Variants in SYNJ1 observed in about 807,000 individuals in gnomAD.
SYNJ1 encodes the protein polyphosphatidylinositol phosphatase SYNJ1.
In SYNJ1, 78 loss-of-function variants were observed where a neutral mutation model predicts 168.2. The ratio of observed to expected loss-of-function variants is 0.46; its 90% CI spans 0.39 to 0.56. SYNJ1 has a LOEUF of 0.56. SYNJ1 is among the 20% of genes least tolerant of loss of function. The pLI is 0.00. For missense variants in SYNJ1, 1,303 were observed against 1,597.6 expected, an observed-to-expected ratio of 0.82 and a Z score of 3.14; for synonymous variants, 539 against 548.6, an observed-to-expected ratio of 0.98 and a Z score of 0.24.
intron 20 of SYNJ1, 48 bp downstream of exon 20, chr21:32,656,955 T>A (rs1233439400): frequency 3.1e-6 from 5 of 1,610,984 alleles, no homozygotes; most frequent in Non-Finnish European, 3.4e-6. Context: ...AAAGGGTGTA[T>A]TTCAAACAAA....
intron 2 of SYNJ1, among the ~76,000 whole-genome samples, chr21:32,704,677 G>T (rs1055382757): frequency 6.6e-6 from 1 of 152,170 alleles, no homozygotes; most frequent in African/African-American, 2.4e-5. Context: ...GAAAGGCAGG[G>T]TTTTGAAGTG....
At position 32,688,450 on chromosome 21, in the gene SYNJ1, T is replaced by C. The variant is rs1251938863; in HGVS notation, c.790-83A>G. The C allele has an allele frequency of 3.5e-6, 4 of 1,149,702 alleles. No individual in the cohort carries two copies. In the African/African-American group the frequency reaches 4.7e-5, roughly 13 times the overall value. 71.2% of individuals were successfully genotyped at this position (1,149,702 alleles called of 1,614,324 possible). On this transcript the variant is annotated intron_variant, in intron 6 of 32. Transcript: ENST00000674351. ...TATCACTGCTTACAATATCTAACAA[T>C]TTCTTTGCTGAACACACAGTCGTTA...
intron 26 of SYNJ1, among the ~76,000 whole-genome samples, chr21:32,643,846 CGTAA>C (rs1006652825): frequency 6.6e-6 from 1 of 152,122 alleles, no homozygotes; most frequent in African/African-American, 2.4e-5. Context: ...TATGAGACTA[CGTAA>C]GTCTTTTGAA....
At chr21:32,715,599 T>C (rs2042997348) in intron 2 of SYNJ1, among the ~76,000 whole-genome samples, 1 of 152,236 alleles carries the variant, frequency 6.6e-6, no homozygotes, top group South Asian at 2.1e-4. Context: ...AGCAATCCTA[T>C]GGTCCACTAG....
intron 8 of SYNJ1, 74 bp downstream of exon 8, chr21:32,686,904 C>A (rs1290500735): frequency 8.9e-6 from 9 of 1,006,078 alleles, no homozygotes; most frequent in Non-Finnish European, 1.3e-5. Context: ...AATCTGATTA[C>A]TGTATTATTT....
chr21:32,687,118 C>T (rs752794800), intron 7 of SYNJ1, 44 bp from the exon 8 acceptor site: 9 of 1,048,566 alleles, frequency 8.6e-6, no homozygotes, highest in East Asian at 2.9e-5. Context: ...AAATAAGAAG[C>T]CCAATTTTTT....
Position 32,695,105 on chromosome 21 carries a change from C to T in SYNJ1, c.657G>A (p.Arg219=). Residue 219 remains arginine, a synonymous_variant, in exon 5 of 33, where the codon CGG becomes CGA. Transcript: ENST00000674351. ...CERAGTRFNV[R]GTNDDGHVAN... is the part of the protein sequence containing the mutation. ...CAACATGACCATCATCATTTGTTCC[C>T]CGGACATTAAACCTGGTCCCAGCTC... The T allele has an allele frequency of 1.2e-6, 2 of 1,614,070 alleles. No homozygotes were observed. The highest frequency in any genetic ancestry group is 1.7e-6 in the Non-Finnish European group (2 of 1,180,004).
chr21:32,721,363 A>G (rs1250766175), intron 2 of SYNJ1, among the ~76,000 whole-genome samples: 1 of 152,248 alleles, frequency 6.6e-6, no homozygotes, highest in Non-Finnish European at 1.5e-5. Context: ...AATAATAATG[A>G]AATTATTTTC....
chr21:32,673,708 T>G (rs1036829891), intron 13 of SYNJ1, among the ~76,000 whole-genome samples, 177 bp from the exon 14 acceptor site: 3 of 150,274 alleles, frequency 2.0e-5, no homozygotes, highest in African/African-American at 7.4e-5. Flanking sequence ...AAGCCTGGTA[T>G]GAGGCAATTA....
Position 32,700,113 on chromosome 21 carries a change from A to G in SYNJ1, c.212-8T>C. On this transcript the variant is annotated splice_polypyrimidine_tract_variant and splice_region_variant and intron_variant, in intron 3 of 32. Transcript: ENST00000674351. The stretch of plus-strand genomic sequence containing the variant: ...AATGTAACATAGTATCACCTGCAAA[A>G]CCCAAAGATTTTACTGGATGAAAAA... 1 of 1,583,100 alleles carries G rather than the reference A, an allele frequency of 6.3e-7. No individual in the cohort carries two copies. Among genetic ancestry groups the G allele is most frequent in the Non-Finnish European group, 8.6e-7 (1 of 1,163,576 alleles).
chr21:32,717,512 G>A (rs1490047413), intron 2 of SYNJ1, among the ~76,000 whole-genome samples: 1 of 152,148 alleles, frequency 6.6e-6, no homozygotes, highest in Non-Finnish European at 1.5e-5. Context: ...TTGCTTTTAA[G>A]CTTTGTTAGG....
intron 32 of SYNJ1, among the ~76,000 whole-genome samples, chr21:32,632,388 CT>C (rs535534076): frequency 1.6e-3 from 230 of 142,996 alleles, no homozygotes; most frequent in Non-Finnish European, 1.4e-3. Flanking sequence ...CCCACCCCCT[CT>C]TTTTTTTTTT....
In SYNJ1 at chr21:32,630,535, C is replaced by T. The variant is rs2039279562; in HGVS notation, c.*1270G>A. ...GTATGTATTATATATGTACACATAC[C>T]TATACTTTTTTCCTTTAAAGCAATG... On this transcript the variant is annotated 3_prime_UTR_variant, in exon 33 of 33. Coordinates refer to ENST00000674351, the MANE Select transcript of SYNJ1 (RefSeq NM_203446.3). 1 of 163,922 alleles carries T rather than the reference C, an allele frequency of 6.1e-6. No individual in the cohort carries two copies. The highest frequency in any genetic ancestry group is 1.6e-4 in the South Asian group (1 of 6,424). The allele number at this position is 163,922 out of a possible 1,614,324, so 10.2% of individuals were successfully genotyped here.
In SYNJ1 at chr21:32,688,352, C is replaced by T; in HGVS notation, c.805G>A (p.Val269Ile). The T allele has an allele frequency of 6.2e-7, 1 of 1,613,684 alleles. No individual in the cohort carries two copies. Among genetic ancestry groups the T allele is most frequent in the South Asian group, 1.1e-5 (1 of 90,980 alleles). The change falls in exon 7 of 33, where the codon GTC becomes ATC. Residue 269 changes from valine (V) to isoleucine (I), a missense_variant. Around this residue, in one of 2 missense-constraint regions of SYNJ1, gnomAD observed 920 missense variants for 1,208.8 expected, o/e 0.76. Transcript: ENST00000674351. ...GCTTCAAATCCCCTTGACATACGGA[C>T]ACGATGAGATCCCACCTTAGACAAG... ...QPGLQVGSHR[V>I]RMSRGFEANA...
In SYNJ1 at chr21:32,643,564, G is replaced by C. The variant is rs749711544; in HGVS notation, c.3431-107C>G. 431 of 1,150,882 alleles carry C rather than the reference G, an allele frequency of 3.7e-4. 2 individuals carry two copies. The highest frequency in any genetic ancestry group is 8.4e-4 in the Middle Eastern group (4 of 4,760). 71.3% of individuals were successfully genotyped at this position (1,150,882 alleles called of 1,614,324 possible). ...ATAGTAAACTCACTTTTGCAAAAAG[G>C]CTCTTTTATTGCTTTAAATTTCTTC... On this transcript the variant is annotated intron_variant, in intron 26 of 32. Coordinates refer to ENST00000674351, the MANE Select transcript of SYNJ1 (RefSeq NM_203446.3).
At chr21:32,713,768 G>T (rs1451319933) in intron 2 of SYNJ1, among the ~76,000 whole-genome samples, 1 of 152,214 alleles carries the variant, frequency 6.6e-6, no homozygotes, top group Non-Finnish European at 1.5e-5. Flanking sequence ...CAACATGGAT[G>T]ATTTCCCATA....
At chr21:32,643,337 G>T in intron 27 of SYNJ1, 73 bp downstream of exon 27, 1 of 1,473,806 alleles carries the variant, frequency 6.8e-7, no homozygotes, top group Non-Finnish European at 9.5e-7. Context: ...AACACTGCGG[G>T]GTGGGGAGGT....
intron 9 of SYNJ1, among the ~76,000 whole-genome samples, chr21:32,684,841 CATA>C (rs2041761586): frequency 6.6e-6 from 1 of 152,180 alleles, no homozygotes; most frequent in Admixed American, 6.5e-5. Context: ...TGGAAATGGG[CATA>C]ATAATAGAGT....
At chr21:32,646,062 T>G in intron 24 of SYNJ1, 1 of 723,530 alleles carries the variant, frequency 1.4e-6, no homozygotes, top group East Asian at 2.6e-5. Flanking sequence ...ATGCACAAAG[T>G]ATTGTTTGAG....
Sources: allele counts gnomAD v4.1 joint callset (sites outside exome capture counted in the v4.1 genomes callset), GRCh38; gene constraint gnomAD v4.1.1; regional missense constraint gnomAD v4.1.1; transcripts MANE v1.5; gene names NCBI Gene and HGNC (gene_info 2026-07-23, HGNC 2026-07-21).